The following CPNE1 variants were observed in gnomAD, a reference collection of about 807,000 sequenced individuals.
CPNE1 encodes the protein copine-1.
In CPNE1, 58 loss-of-function variants were observed where a neutral mutation model predicts 63.2. The ratio of observed to expected loss-of-function variants is 0.92; its 90% confidence interval spans 0.74 to 1.14. The LOEUF is 1.14. CPNE1 is among the 50% of genes most tolerant of loss of function. The pLI, the probability that CPNE1 is intolerant of heterozygous loss-of-function variation, is 0.00. For missense variants in CPNE1, 672 were observed against 661.7 expected, an observed-to-expected ratio of 1.02 and a Z score of -0.17; for synonymous variants, 237 against 249.0, an observed-to-expected ratio of 0.95 and a Z score of 0.45.
Position 35,659,888 on chromosome 20 carries a change from G to C in CPNE1, c.-1+4872C>G, listed in dbSNP as rs537338931. ...CAAAGGTCATGTTTTAATTCGGAGA[G>C]AGAAGAAATTTGCCACTGTTCAGTA... On this transcript the variant is annotated intron_variant, in intron 1 of 15. Transcript: ENST00000397443. 2.0e-5 allele frequency among the ~76,000 whole-genome samples: 3 copies of C among 152,200 alleles called. No homozygotes were observed. In the South Asian group the frequency reaches 6.2e-4, roughly 32 times the overall value.
At chr20:35,648,125 T>C (rs1271588120) in intron 1 of CPNE1, among the ~76,000 whole-genome samples, 1 of 151,892 alleles carries the variant, frequency 6.6e-6, no homozygotes, top group East Asian at 1.9e-4. Flanking sequence ...TGTTGTTGAA[T>C]AGACAGGGGT....
chr20:35,653,234 T>C, intron 1 of CPNE1: 1 of 1,613,570 alleles, frequency 6.2e-7, no homozygotes, highest in Non-Finnish European at 8.5e-7. Flanking sequence ...GCACTAGGTA[T>C]TCCTGCACTG....
At chr20:35,652,487 A>G (rs1413841049) in intron 1 of CPNE1, 1 of 1,568,798 alleles carries the variant, frequency 6.4e-7, no homozygotes, top group Admixed American at 1.9e-5. Context: ...AATCACAGCA[A>G]TATGAAGATC....
chr20:35,660,093 A>G (rs1460893900), intron 1 of CPNE1, among the ~76,000 whole-genome samples: 1 of 152,250 alleles, frequency 6.6e-6, no homozygotes, highest in Non-Finnish European at 1.5e-5. Context: ...CAAGTTGCTA[A>G]AGAATAGTGA....
chr20:35,658,838 C>CAA, intron 1 of CPNE1: 5 of 605,444 alleles, frequency 8.3e-6, no homozygotes, highest in South Asian at 7.2e-5. Flanking sequence ...CACACACACA[C>CAA]AATATAGTTG....
intron 1 of CPNE1, among the ~76,000 whole-genome samples, chr20:35,644,366 C>G (rs1210988174): frequency 6.6e-6 from 1 of 152,186 alleles, no homozygotes; most frequent in Non-Finnish European, 1.5e-5. Flanking sequence ...TTGAATTTCT[C>G]AAGCTGCAGT....
In CPNE1 at chr20:35,632,800, C is replaced by T. The variant is rs760569862; in HGVS notation, c.124G>A (p.Ala42Thr). 3.4e-6 allele frequency: 3 copies of T among 871,922 alleles called. No individual in the cohort carries two copies. 54.0% of individuals were successfully genotyped at this position (871,922 alleles called of 1,614,324 possible). ...LLQDVGGGSW[A>T]ELGRTERVRN... Reference sequence around the variant, plus strand: ...ACCTCCATAATCCGCCTCACCTCAGCCCAGCTGCCCCCTCCCACATCCTGT... The same window carrying T: ...ACCTCCATAATCCGCCTCACCTCAGTCCAGCTGCCCCCTCCCACATCCTGT... The change falls in exon 2 of 16, where the codon GCT becomes ACT. Residue 42 changes from alanine (A) to threonine (T), a missense_variant. Ala to Thr is a moderately conservative substitution (Grantham distance 58). Coordinates refer to ENST00000397443, the MANE Select transcript of CPNE1 (RefSeq NM_152925.3).
rs764866602 is a variant in CPNE1 at position 35,631,366 on chromosome 20, A to C, written c.715-12T>G. 7 of 1,613,824 alleles carry C rather than the reference A, an allele frequency of 4.3e-6. No homozygotes were observed. The highest frequency in any genetic ancestry group is 5.9e-6 in the Non-Finnish European group (7 of 1,179,696). Reference sequence around the variant, plus strand: ...CATTCAAACTCAGCCTGGTGAGGACAGAAAAATTAGGGTAGGAAATTCTCA... The same window carrying C: ...CATTCAAACTCAGCCTGGTGAGGACCGAAAAATTAGGGTAGGAAATTCTCA... On this transcript the variant is annotated splice_polypyrimidine_tract_variant and intron_variant, in intron 8 of 15. Coordinates refer to ENST00000397443, the MANE Select transcript of CPNE1 (RefSeq NM_152925.3).
chr20:35,664,329 G>C (rs1423249926), intron 1 of CPNE1: 1 of 152,344 alleles, frequency 6.6e-6, no homozygotes, highest in African/African-American at 2.4e-5. Context: ...TCGGGTTGAA[G>C]GAGTGTCCTC....
In CPNE1 at chr20:35,632,911, C is replaced by T. The variant is rs768500814; in HGVS notation, c.13G>A (p.Val5Met). 7 of 872,208 alleles carry T rather than the reference C, an allele frequency of 8.0e-6. No individual in the cohort carries two copies. Among genetic ancestry groups the T allele is most frequent in the East Asian group, 4.8e-5 (2 of 41,724 alleles). The allele number at this position is 872,208 out of a possible 1,614,324, so 54.0% of individuals were successfully genotyped here. MAHC[V>M]TLVQLSISCD... is the part of the protein sequence containing the mutation. ...GAAATGGACAGCTGAACCAAGGTCA[C>T]GCAGTGGGCCATCTGAGGGAAAAGG... Residue 5 changes from valine to methionine, a missense_variant, in exon 2 of 16, where the codon GTG becomes ATG. Coordinates refer to ENST00000397443, the MANE Select transcript of CPNE1 (RefSeq NM_152925.3).
intron 1 of CPNE1, chr20:35,655,252 GAGA>G (rs2033826684): frequency 1.2e-6 from 2 of 1,613,604 alleles, no homozygotes; most frequent in African/African-American, 1.3e-5. Context: ...GGTCAATCCA[GAGA>G]AGAAGTGGCG....
chr20:35,631,075 C>T, intron 10 of CPNE1, 39 bp downstream of exon 10: 9 of 1,614,126 alleles, frequency 5.6e-6, no homozygotes, highest in Non-Finnish European at 7.6e-6. Context: ...CCACCCTGAG[C>T]CCCAGACCTG....
chr20:35,658,905 G>A (rs184296917), intron 1 of CPNE1: 267 of 701,414 alleles, frequency 3.8e-4, no homozygotes, highest in Non-Finnish European at 1.4e-4. Context: ...GTATAAAAAC[G>A]AACTCTCTAT....
rs568686419 is a variant in CPNE1 at position 35,647,649 on chromosome 20, C to T, written c.1-14726G>A. On this transcript the variant is annotated intron_variant, in intron 1 of 15. Transcript: ENST00000397443. ...AGTAGCAAGCCACCGTGGCTACTCA[C>T]TGCTAGTTAACGTTGATCCAGAAAA... Among the ~76,000 whole-genome samples, 3 of 152,202 alleles carry T rather than the reference C, an allele frequency of 2.0e-5. No homozygotes were observed. In the South Asian group the frequency reaches 6.2e-4, roughly 32 times the overall value.
At chr20:35,655,176 A>C in intron 1 of CPNE1, 3 of 1,614,180 alleles carry the variant, frequency 1.9e-6, no homozygotes, top group East Asian at 2.2e-5. Flanking sequence ...CATCTTCATC[A>C]GTGGCAAAAA....
intron 1 of CPNE1, among the ~76,000 whole-genome samples, chr20:35,644,073 T>C (rs918551065): frequency 7.2e-6 from 1 of 138,876 alleles, no homozygotes; most frequent in Non-Finnish European, 1.6e-5. Context: ...GTAGGGATGA[T>C]AATGTTAACT....
At position 35,661,061 on chromosome 20, in the gene CPNE1, T is replaced by A. The variant is rs377721258; in HGVS notation, c.-1+3699A>T. On this transcript the variant is annotated intron_variant, in intron 1 of 15. Coordinates refer to ENST00000397443, the MANE Select transcript of CPNE1 (RefSeq NM_152925.3). ...TATGTGTACAACTTAAAGCACAAAA[T>A]CAATCCAGATAGAAATTTATGATTC... Among the ~76,000 whole-genome samples the A allele has an allele frequency of 1.4e-4, 21 of 152,264 alleles. No homozygotes were observed. The East Asian group carries it at 2.9e-3, about 21-fold the overall frequency.
At chr20:35,633,532 T>C (rs2032298881) in intron 1 of CPNE1, among the ~76,000 whole-genome samples, 1 of 152,220 alleles carries the variant, frequency 6.6e-6, no homozygotes, top group East Asian at 1.9e-4. Context: ...CCATCACTGT[T>C]TGTCACCTGG....
chr20:35,633,558 T>TC (rs150099515), intron 1 of CPNE1, among the ~76,000 whole-genome samples: 2,682 of 152,314 alleles, frequency 0.018, 42 homozygotes, highest in Non-Finnish European at 0.028. Flanking sequence ...AGCATTAGCC[T>TC]CTTCAACTGG....
Sources: allele counts gnomAD v4.1 joint callset (sites outside exome capture counted in the v4.1 genomes callset), GRCh38; gene constraint gnomAD v4.1.1; transcripts MANE v1.5; gene names NCBI Gene and HGNC (gene_info 2026-07-23, HGNC 2026-07-21).